Variants in LSAMP observed in about 807,000 individuals in gnomAD.
The protein encoded by LSAMP is limbic system-associated membrane protein.
LSAMP carries 7 observed loss-of-function variants against 38.6 expected under a neutral mutation model. The ratio of observed to expected loss-of-function variants is 0.18; its 90% confidence interval spans 0.10 to 0.34. LSAMP has a LOEUF of 0.34. Among genes scored for constraint, LSAMP ranks in the 10% least tolerant of loss-of-function variants. The pLI, the probability that LSAMP is intolerant of heterozygous loss-of-function variation, is 1.00. For missense variants in LSAMP, 313 were observed against 420.0 expected, an observed-to-expected ratio of 0.75 and a Z score of 2.23; for synonymous variants, 154 against 166.8, an observed-to-expected ratio of 0.92 and a Z score of 0.59.
chr3:116,256,444 T>C (rs1371082879), intron 1 of LSAMP, among the ~76,000 whole-genome samples: 3 of 152,218 alleles, frequency 2.0e-5, no homozygotes, highest in African/African-American at 4.8e-5. Context: ...CTTGCAAGTG[T>C]TTTTCATCTT....
intron 3 of LSAMP, among the ~76,000 whole-genome samples, chr3:115,950,750 A>G (rs1378552019): frequency 2.0e-5 from 3 of 149,044 alleles, no homozygotes; most frequent in African/African-American, 7.6e-5. Context: ...CAATCCTAAA[A>G]TTCATATGGA....
intron 3 of LSAMP, among the ~76,000 whole-genome samples, chr3:116,011,883 G>T (rs74597253): frequency 0.021 from 3,214 of 152,184 alleles, 83 homozygotes; most frequent in African/African-American, 0.061. Context: ...ACAACCCTGG[G>T]TACATATCTT....
chr3:116,197,904 T>C (rs967843905), intron 1 of LSAMP, among the ~76,000 whole-genome samples: 1 of 152,082 alleles, frequency 6.6e-6, no homozygotes, highest in Non-Finnish European at 1.5e-5. Flanking sequence ...TATATAGATA[T>C]AAATATATAT....
intron 1 of LSAMP, among the ~76,000 whole-genome samples, chr3:116,152,035 C>T (rs185688647): frequency 2.0e-5 from 3 of 152,094 alleles, no homozygotes; most frequent in Admixed American, 1.3e-4. Context: ...TCAGGCCTAC[C>T]TAACTTATTC....
intron 1 of LSAMP, among the ~76,000 whole-genome samples, chr3:116,210,021 T>A (rs2046134097): frequency 2.0e-5 from 3 of 152,154 alleles, no homozygotes; most frequent in Non-Finnish European, 2.9e-5. Context: ...CGCAAAGTCC[T>A]GGGATTACAG....
chr3:116,407,874 A>G (rs554585355), intron 1 of LSAMP, among the ~76,000 whole-genome samples: 2 of 152,172 alleles, frequency 1.3e-5, no homozygotes, highest in East Asian at 3.9e-4. Context: ...GACAAGTGAC[A>G]AGCCATAAGC....
intron 1 of LSAMP, among the ~76,000 whole-genome samples, chr3:116,161,879 A>C (rs1045588384): frequency 6.6e-6 from 1 of 152,114 alleles, no homozygotes; most frequent in Non-Finnish European, 1.5e-5. Flanking sequence ...AAATGCTAGA[A>C]AACGCAGAGA....
intron 2 of LSAMP, among the ~76,000 whole-genome samples, chr3:116,052,907 C>A (rs557595475): frequency 2.6e-5 from 4 of 152,270 alleles, no homozygotes; most frequent in African/African-American, 9.6e-5. Flanking sequence ...AACTTGGTTT[C>A]ATTAAATGGT....
chr3:116,263,074 A>G (rs1446539119), intron 1 of LSAMP, among the ~76,000 whole-genome samples: 1 of 152,206 alleles, frequency 6.6e-6, no homozygotes, highest in East Asian at 1.9e-4. Context: ...TCTAATGGTC[A>G]AAGGGAATAT....
At chr3:115,956,452 C>A (rs1002673448) in intron 3 of LSAMP, among the ~76,000 whole-genome samples, 2 of 151,910 alleles carry the variant, frequency 1.3e-5, no homozygotes, top group Non-Finnish European at 2.9e-5. Flanking sequence ...TGAGAATCTA[C>A]CCCTATTAAA....
chr3:116,076,316 G>A (rs1427642464), intron 2 of LSAMP, among the ~76,000 whole-genome samples: 1 of 151,958 alleles, frequency 6.6e-6, no homozygotes, highest in Non-Finnish European at 1.5e-5. Flanking sequence ...GGAGTGCAGT[G>A]GCGCGGTCTT....
rs192429530 is a variant in LSAMP, at chr3:116,273,707, T to C, written c.155+171170A>G. 6.4e-4 allele frequency among the ~76,000 whole-genome samples: 66 copies of C among 102,606 alleles called. 3 individuals carry two copies. The South Asian group carries it at 6.6e-3, about 10-fold the overall frequency. 67.3% of individuals were successfully genotyped at this position (102,606 alleles called of 152,430 possible). A position where few individuals can be genotyped will look rare whatever the true frequency, so the allele number is the denominator to read the frequency against. ...GCATATATATATATATATATATATA[T>C]ACACACACACACACACGTATATATG... On this transcript the variant is annotated intron_variant, in intron 1 of 6. Coordinates refer to ENST00000490035, the MANE Select transcript of LSAMP (RefSeq NM_002338.5).
At chr3:116,163,232 C>A (rs568377360) in intron 1 of LSAMP, among the ~76,000 whole-genome samples, 1 of 118,004 alleles carries the variant, frequency 8.5e-6, no homozygotes. Flanking sequence ...CCCCTCCCCC[C>A]ACCCCACAAC....
chr3:116,439,319 G>T (rs3107025), intron 1 of LSAMP, among the ~76,000 whole-genome samples: 124,559 of 147,720 alleles, frequency 0.84, 52,355 homozygotes, highest in Middle Eastern at 0.97. Flanking sequence ...AGATTTTGTT[G>T]TTTTTTTTTT....
intron 1 of LSAMP, among the ~76,000 whole-genome samples, chr3:116,199,976 G>A (rs917129020): frequency 6.6e-6 from 1 of 152,034 alleles, no homozygotes; most frequent in African/African-American, 2.4e-5. Context: ...CATATTTGCA[G>A]GTGAGGTAAA....
chr3:116,347,521 C>T (rs2107761120), intron 1 of LSAMP, among the ~76,000 whole-genome samples: 1 of 152,278 alleles, frequency 6.6e-6, no homozygotes, highest in East Asian at 1.9e-4. Flanking sequence ...CTTTCTTGTA[C>T]TAGCTAGTTC....
At chr3:116,041,323 GCA>G (rs1214362878) in intron 2 of LSAMP, among the ~76,000 whole-genome samples, 1 of 152,094 alleles carries the variant, frequency 6.6e-6, no homozygotes. Context: ...TTTCTGAATT[GCA>G]CAGTTGCTTG....
At chr3:115,835,605 A>G (rs1400713625) in intron 6 of LSAMP, among the ~76,000 whole-genome samples, 1 of 152,246 alleles carries the variant, frequency 6.6e-6, no homozygotes, top group Non-Finnish European at 1.5e-5. Context: ...GAAAATCAAC[A>G]AAAATCAAAA....
At chr3:116,214,499 C>CTTTTTT (rs59630662) in intron 1 of LSAMP, among the ~76,000 whole-genome samples, 3 of 103,284 alleles carry the variant, frequency 2.9e-5, no homozygotes, top group African/African-American at 3.9e-5. Flanking sequence ...AAAAATGGGT[C>CTTTTTT]TTTTTTTTTT....
Sources: gnomAD v4.1 joint callset for allele counts (sites outside exome capture counted in the v4.1 genomes callset) on GRCh38, gnomAD v4.1.1 for gene constraint, MANE v1.5 for transcripts, NCBI Gene and HGNC (gene_info 2026-07-23, HGNC 2026-07-21) for gene names.